The following SLC13A3 variants were observed in gnomAD, a reference collection of about 807,000 sequenced individuals.
SLC13A3 encodes Na(+)/dicarboxylate cotransporter 3.
SLC13A3 carries 40 observed loss-of-function variants against 59.0 expected under a neutral mutation model. The observed-to-expected ratio is 0.68, with a 90% CI of 0.53 to 0.88. SLC13A3 has a LOEUF of 0.88. SLC13A3 is among the 40% of genes least tolerant of loss of function. SLC13A3 has a pLI of 0.00. For missense variants in SLC13A3, 699 were observed against 783.2 expected, an observed-to-expected ratio of 0.89 and a Z score of 1.28; for synonymous variants, 317 against 330.3, an observed-to-expected ratio of 0.96 and a Z score of 0.44.
intron 8 of SLC13A3, chr20:46,584,490 C>T: frequency 1.0e-6 from 1 of 985,382 alleles, no homozygotes; most frequent in Non-Finnish European, 1.2e-6. Flanking sequence ...CACTGCTAAC[C>T]AAAGCTCTTT....
In SLC13A3 at chr20:46,560,166, A is replaced by G. The variant is rs778043675; in HGVS notation, c.1665T>C (p.Gly555=). 1.2e-6 allele frequency: 2 copies of G among 1,614,146 alleles called. No homozygotes were observed. The highest frequency in any genetic ancestry group is 1.7e-6 in the Non-Finnish European group (2 of 1,180,016). Residue 555 remains glycine (G), a synonymous_variant, in exon 13 of 13, where the codon GGT becomes GGC. Coordinates refer to ENST00000279027, the MANE Select transcript of SLC13A3 (RefSeq NM_022829.6). The stretch of plus-strand genomic sequence containing the variant: ...TCATAGCCAAACTGAGCAGCAGGAC[A>G]CCCATCAGGTTCATCAGGAGGCCTG... ...VRTGLLMNLM[G]VLLLSLAMNT...
intron 1 of SLC13A3, among the ~76,000 whole-genome samples, chr20:46,620,588 T>C (rs1214588717): frequency 6.6e-6 from 1 of 152,174 alleles, no homozygotes; most frequent in Non-Finnish European, 1.5e-5. Flanking sequence ...AAATTCTAGT[T>C]TACAAATGGA....
chr20:46,648,938 CACAT>C (rs768294003), intron 1 of SLC13A3, among the ~76,000 whole-genome samples: 38 of 138,954 alleles, frequency 2.7e-4, no homozygotes, highest in African/African-American at 7.7e-4. Context: ...CACACACACA[CACAT>C]ACACACACAC....
chr20:46,654,476 A>G (rs1205730489), upstream of SLC13A3, among the ~76,000 whole-genome samples: 2 of 152,214 alleles, frequency 1.3e-5, no homozygotes, highest in African/African-American at 4.8e-5. Flanking sequence ...TATTTTCTCT[A>G]CATACATTTA....
chr20:46,663,985 C>T (rs529480882), intron 1 of SLC13A3, among the ~76,000 whole-genome samples: 3 of 152,286 alleles, frequency 2.0e-5, no homozygotes, highest in African/African-American at 7.2e-5. Flanking sequence ...ACTCAAGAGG[C>T]TGTTTCCCAA....
intron 1 of SLC13A3, among the ~76,000 whole-genome samples, chr20:46,635,807 T>G (rs899633433): frequency 6.6e-6 from 1 of 152,206 alleles, no homozygotes; most frequent in Non-Finnish European, 1.5e-5. Context: ...TGAAACAGGA[T>G]GCAGCAAAGA....
At chr20:46,572,208 G>A (rs1382670375) in intron 10 of SLC13A3, among the ~76,000 whole-genome samples, 1 of 152,130 alleles carries the variant, frequency 6.6e-6, no homozygotes, top group Non-Finnish European at 1.5e-5. Context: ...AGGGACCTCC[G>A]ATCCTCAGGA....
At chr20:46,617,793 G>A (rs551539458) in intron 1 of SLC13A3, among the ~76,000 whole-genome samples, 90 of 152,234 alleles carry the variant, frequency 5.9e-4, no homozygotes, top group Middle Eastern at 3.4e-3. Flanking sequence ...CACATTCTGC[G>A]CAAAACTGAC....
upstream of SLC13A3, among the ~76,000 whole-genome samples, chr20:46,655,906 C>T (rs1039958634): frequency 7.3e-6 from 1 of 136,624 alleles, no homozygotes; most frequent in Non-Finnish European, 1.5e-5. Context: ...ATATACTGTA[C>T]AGTATATTAT....
chr20:46,587,703 G>T (rs1404085148), intron 8 of SLC13A3, among the ~76,000 whole-genome samples: 1 of 152,126 alleles, frequency 6.6e-6, no homozygotes, highest in Non-Finnish European at 1.5e-5. Flanking sequence ...ACTTGCTTTT[G>T]TCTGTGTCCC....
chr20:46,644,109 G>A (rs2062871368), intron 1 of SLC13A3, among the ~76,000 whole-genome samples: 1 of 152,146 alleles, frequency 6.6e-6, no homozygotes, highest in African/African-American at 2.4e-5. Flanking sequence ...CTGGAGAGGG[G>A]GATGGAAGTG....
At chr20:46,561,056 C>G (rs923199808) in intron 12 of SLC13A3, among the ~76,000 whole-genome samples, 26 of 152,178 alleles carry the variant, frequency 1.7e-4, no homozygotes, top group African/African-American at 6.3e-4. Flanking sequence ...TTAGGGCCAA[C>G]CTGTCTCCCA....
upstream of SLC13A3, among the ~76,000 whole-genome samples, chr20:46,673,003 T>C (rs114556648): frequency 7.5e-3 from 1,138 of 152,222 alleles, 15 homozygotes; most frequent in African/African-American, 0.026. Context: ...TATTGCATGA[T>C]TATTGTTTAA....
Position 46,590,621 on chromosome 20 carries a change from C to T in SLC13A3, c.921-1366G>A, listed in dbSNP as rs957907276. On this transcript the variant is annotated intron_variant, in intron 6 of 12. Coordinates refer to ENST00000279027, the MANE Select transcript of SLC13A3 (RefSeq NM_022829.6). ...AAAATTACTGTTCATAAAATAAACA[C>T]AAGTTATTTTTCTCTTATCAGATTG... Among the ~76,000 whole-genome samples the T allele has an allele frequency of 7.2e-5, 11 of 152,096 alleles. 1 individual carries two copies. Among genetic ancestry groups the T allele is most frequent in the South Asian group, 6.2e-4 (3 of 4,826 alleles).
intron 12 of SLC13A3, 58 bp downstream of exon 12, chr20:46,563,356 C>T: frequency 6.3e-7 from 1 of 1,577,986 alleles, no homozygotes; most frequent in Non-Finnish European, 8.6e-7. Flanking sequence ...AGGCCTTGCC[C>T]GCCCCCTTGC....
chr20:46,661,472 C>T (rs2063029671), intron 1 of SLC13A3, among the ~76,000 whole-genome samples: 1 of 152,200 alleles, frequency 6.6e-6, no homozygotes, highest in South Asian at 2.1e-4. Flanking sequence ...AGATCTGAGA[C>T]CGGAGCACTG....
chr20:46,663,056 G>A (rs1164544198), intron 1 of SLC13A3, among the ~76,000 whole-genome samples: 4 of 152,162 alleles, frequency 2.6e-5, no homozygotes, highest in Non-Finnish European at 4.4e-5. Context: ...TTGGGAGGCC[G>A]AGGTAGGATT....
intron 11 of SLC13A3, among the ~76,000 whole-genome samples, chr20:46,563,821 C>A (rs1037835916): frequency 1.3e-5 from 2 of 152,020 alleles, no homozygotes; most frequent in East Asian, 1.9e-4. Context: ...AGAACCAGAT[C>A]GAGAGAGAGG....
In SLC13A3 at chr20:46,561,463, G is replaced by A. The variant is rs2868921; in HGVS notation, c.1633-1265C>T. On this transcript the variant is annotated intron_variant, in intron 12 of 12. Transcript: ENST00000279027. ...CTTCAGCACTTCTCTGCTCCTGTCA[G>A]TTGCCCTTTTAACAAGGAGAGGCCC... Among the ~76,000 whole-genome samples the A allele has an allele frequency of 3.7e-3, 563 of 152,288 alleles. 4 individuals are homozygous for A. Among genetic ancestry groups the A allele is most frequent in the Non-Finnish European group, 5.7e-3 (389 of 68,042 alleles).
Sources: gnomAD v4.1 joint callset for allele counts (sites outside exome capture counted in the v4.1 genomes callset) on GRCh38, gnomAD v4.1.1 for gene constraint, MANE v1.5 for transcripts, NCBI Gene and HGNC (gene_info 2026-07-23, HGNC 2026-07-21) for gene names.